Variants in CNTN5 observed in about 807,000 individuals in gnomAD.
CNTN5 encodes contactin 5.
In CNTN5, 77 loss-of-function variants were observed where a neutral mutation model predicts 129.1. The observed-to-expected ratio is 0.60, with a 90% CI of 0.50 to 0.72. The LOEUF (loss-of-function observed/expected upper bound fraction) is 0.72. CNTN5 is among the 30% of genes least tolerant of loss of function. The pLI is 0.00. For synonymous variants in CNTN5, 509 were observed against 465.6 expected (o/e 1.09, Z -1.20); for missense variants, 1,478 against 1,328.8 (o/e 1.11, Z -1.75).
At chr11:99,864,669 G>C (rs1483909576) in intron 6 of CNTN5, among the ~76,000 whole-genome samples, 1 of 152,038 alleles carries the variant, frequency 6.6e-6, no homozygotes, top group African/African-American at 2.4e-5. Flanking sequence ...AACTCCCTAA[G>C]TAATTCATTT....
chr11:99,324,613 A>G (rs770083190), intron 1 of CNTN5, among the ~76,000 whole-genome samples: 1 of 152,228 alleles, frequency 6.6e-6, no homozygotes, highest in Non-Finnish European at 1.5e-5. Flanking sequence ...ATTTCAGTGT[A>G]TAGAGAATTT....
intron 2 of CNTN5, among the ~76,000 whole-genome samples, chr11:99,439,707 CAAAAAA>C (rs376871051): frequency 1.0e-5 from 1 of 95,468 alleles, no homozygotes; most frequent in South Asian, 3.9e-4. Context: ...GACTCTGTCT[CAAAAAA>C]AAAAAAAAAA....
intron 2 of CNTN5, among the ~76,000 whole-genome samples, chr11:99,503,256 A>G (rs1946492720): frequency 6.6e-6 from 1 of 152,176 alleles, no homozygotes; most frequent in Non-Finnish European, 1.5e-5. Flanking sequence ...AATTACTAGA[A>G]TGTGAGACAA....
intron 1 of CNTN5, among the ~76,000 whole-genome samples, chr11:99,053,513 A>G (rs1864509615): frequency 6.6e-6 from 1 of 151,912 alleles, no homozygotes; most frequent in African/African-American, 2.4e-5. Context: ...TGATTGATAC[A>G]GCTGTGGGAT....
At position 99,126,413 on chromosome 11, in the gene CNTN5, A is replaced by T. The variant is rs571018298; in HGVS notation, c.-210+105143A>T. Among the ~76,000 whole-genome samples the T allele has an allele frequency of 3.9e-5, 6 of 152,306 alleles. No homozygotes were observed. The East Asian group carries it at 1.2e-3, about 29-fold the overall frequency. On this transcript the variant is annotated intron_variant, in intron 1 of 24. Coordinates refer to ENST00000524871, the MANE Select transcript of CNTN5 (RefSeq NM_014361.4). ...CTTTCAGTATTTTATTAGGAGTGTG[A>T]CTAAAGTTGAGAGGCAAGAGATACT...
chr11:99,049,610 G>A (rs1864347108), intron 1 of CNTN5: 1 of 152,062 alleles, frequency 6.6e-6, no homozygotes, highest in South Asian at 2.1e-4. Flanking sequence ...GGTATCCATG[G>A]AAGATTGCTT....
intron 3 of CNTN5, among the ~76,000 whole-genome samples, chr11:99,658,006 C>G (rs796079455): frequency 1.6e-4 from 24 of 152,084 alleles, no homozygotes; most frequent in African/African-American, 5.1e-4. Flanking sequence ...AATATAAGTT[C>G]TTAAAATTTA....
At chr11:99,758,366 T>C (rs1048914581) in intron 3 of CNTN5, among the ~76,000 whole-genome samples, 3 of 152,122 alleles carry the variant, frequency 2.0e-5, no homozygotes, top group Admixed American at 6.6e-5. Context: ...AAAGAACTTA[T>C]ACTTTATTTG....
At chr11:100,269,867 G>T (rs912634294) in intron 17 of CNTN5, among the ~76,000 whole-genome samples, 1 of 152,104 alleles carries the variant, frequency 6.6e-6, no homozygotes, top group Non-Finnish European at 1.5e-5. Flanking sequence ...AAGTGTTGGT[G>T]ATACAGTGTA....
At chr11:99,450,297 TATGTATATGTATAC>T (rs1944249563) in intron 2 of CNTN5, among the ~76,000 whole-genome samples, 1 of 151,040 alleles carries the variant, frequency 6.6e-6, no homozygotes, top group Non-Finnish European at 1.5e-5. Context: ...TTTGTGTATG[TATGTATATGTATAC>T]ACATATATTG....
At chr11:99,642,888 C>T (rs1022383204) in intron 3 of CNTN5, among the ~76,000 whole-genome samples, 4 of 152,082 alleles carry the variant, frequency 2.6e-5, no homozygotes, top group Non-Finnish European at 5.9e-5. Context: ...CCATAATGTC[C>T]TCTAGGTTCA....
chr11:99,956,865 C>A lies in CNTN5; in HGVS notation c.733C>A (p.Arg245=). The A allele has an allele frequency of 1.2e-6, 2 of 1,613,800 alleles. No individual in the cohort carries two copies. The highest frequency in any genetic ancestry group is 1.7e-6 in the Non-Finnish European group (2 of 1,179,764). The change falls in exon 8 of 25, where the codon CGG becomes AGG. Residue 245 remains arginine, a synonymous_variant. Coordinates refer to ENST00000524871, the MANE Select transcript of CNTN5 (RefSeq NM_014361.4). ...FPSFVAEDSR[R]FISQETGNLY... ...TTCCTTTGTGGCGGAAGACAGCCGG[C>A]GGTTCATCTCCCAGGAGACAGGCAA...
intron 17 of CNTN5, among the ~76,000 whole-genome samples, chr11:100,256,719 G>A (rs1299415343): frequency 6.6e-6 from 1 of 152,048 alleles, no homozygotes; most frequent in Non-Finnish European, 1.5e-5. Flanking sequence ...CCCTCCCCTA[G>A]CCAAGGGAAG....
intron 2 of CNTN5, among the ~76,000 whole-genome samples, chr11:99,432,603 C>A (rs2135112318): frequency 6.6e-6 from 1 of 151,568 alleles, no homozygotes; most frequent in South Asian, 2.1e-4. Flanking sequence ...TAATATCTCT[C>A]TTGGGTGAGG....
chr11:100,281,332 T>C (rs1188262040), intron 18 of CNTN5, among the ~76,000 whole-genome samples: 3 of 152,134 alleles, frequency 2.0e-5, no homozygotes, highest in Non-Finnish European at 4.4e-5. Context: ...TTTCTCCTTA[T>C]GTTTGAAGGA....
At chr11:100,048,877 G>A (rs1942819341) in intron 9 of CNTN5, among the ~76,000 whole-genome samples, 1 of 151,972 alleles carries the variant, frequency 6.6e-6, no homozygotes, top group Non-Finnish European at 1.5e-5. Flanking sequence ...AAAGAAAAAT[G>A]TGGGAAGATA....
intron 3 of CNTN5, among the ~76,000 whole-genome samples, chr11:99,646,784 G>A (rs2135864200): frequency 7.2e-6 from 1 of 139,176 alleles, no homozygotes; most frequent in African/African-American, 2.7e-5. Context: ...AAAAGAACTT[G>A]AAGCACTTCA....
At chr11:99,379,051 G>A (rs1306251379) in intron 2 of CNTN5, among the ~76,000 whole-genome samples, 1 of 151,768 alleles carries the variant, frequency 6.6e-6, no homozygotes, top group East Asian at 1.9e-4. Context: ...TATGCCTATT[G>A]CCTATTTAAT....
chr11:99,784,306 C>G (rs531785188), intron 3 of CNTN5, among the ~76,000 whole-genome samples: 1 of 152,000 alleles, frequency 6.6e-6, no homozygotes, highest in Non-Finnish European at 1.5e-5. Context: ...CTTAGCCCCC[C>G]ACCCCCACAT....
Sources: allele counts gnomAD v4.1 joint callset (sites outside exome capture counted in the v4.1 genomes callset), GRCh38; gene constraint gnomAD v4.1.1; transcripts MANE v1.5; gene names NCBI Gene and HGNC (gene_info 2026-07-23, HGNC 2026-07-21).